Variants in CHAT observed in about 807,000 individuals in gnomAD.
CHAT encodes acetyl CoA:choline O-acetyltransferase.
In CHAT, 61 loss-of-function variants were observed where a neutral mutation model predicts 76.9. That is an observed-to-expected ratio of 0.79 (90% confidence interval 0.65 to 0.98). CHAT has a LOEUF of 0.98. CHAT is among the 50% of genes least tolerant of loss of function. CHAT has a pLI of 0.00. For missense variants in CHAT, 946 were observed against 986.9 expected, an observed-to-expected ratio of 0.96 and a Z score of 0.56; for synonymous variants, 407 against 397.4, an observed-to-expected ratio of 1.02 and a Z score of -0.29.
intron 3 of CHAT, 144 bp from the exon 4 acceptor site, chr10:49,620,351 G>T (rs1400001410): frequency 1.4e-6 from 1 of 737,926 alleles, no homozygotes; most frequent in East Asian, 2.6e-5. Context: ...GGACTGGGAA[G>T]CTCCTGGCAC....
At chr10:49,616,438 G>A in intron 1 of CHAT, 64 bp from the exon 2 acceptor site, 3 of 1,281,328 alleles carry the variant, frequency 2.3e-6, no homozygotes, top group South Asian at 2.5e-5. Flanking sequence ...TTGGCGGGAG[G>A]TGGAGGGTTT....
chr10:49,664,067 T>C (rs961646807), intron 14 of CHAT, among the ~76,000 whole-genome samples: 2 of 152,222 alleles, frequency 1.3e-5, no homozygotes, highest in East Asian at 1.9e-4. Context: ...CTATTTTTTT[T>C]CCCAAGGACC....
chr10:49,616,797 G>A (rs559233016), intron 2 of CHAT, among the ~76,000 whole-genome samples, 195 bp downstream of exon 2: 3 of 152,308 alleles, frequency 2.0e-5, no homozygotes, highest in South Asian at 2.1e-4. Context: ...GGGCTGAGAC[G>A]GGCCTCAGGG....
intron 14 of CHAT, among the ~76,000 whole-genome samples, chr10:49,663,535 C>T (rs932509782): frequency 2.0e-5 from 3 of 152,190 alleles, no homozygotes; most frequent in African/African-American, 4.8e-5. Flanking sequence ...CAACCAACAG[C>T]AGAACATTCG....
intron 11 of CHAT, among the ~76,000 whole-genome samples, chr10:49,653,128 A>G (rs970629245): frequency 4.6e-5 from 7 of 151,042 alleles, no homozygotes; most frequent in Non-Finnish European, 7.4e-5. Flanking sequence ...CCCACACCAT[A>G]CCTGGCACAG....
At chr10:49,659,985 T>C (rs981365183) in intron 13 of CHAT, among the ~76,000 whole-genome samples, 2 of 152,228 alleles carry the variant, frequency 1.3e-5, no homozygotes, top group African/African-American at 4.8e-5. Context: ...CTAATCATAG[T>C]ACACTACATG....
rs774597385 is a variant in CHAT at position 49,616,098 on chromosome 10, G to T, written c.287-404G>T. ...TGAAGCACTGAGCACAGTAGGTATGGTCTTACCCTTGAGAAGCTAGTGGGA... is the reference window on the plus strand; with the variant it reads ...TGAAGCACTGAGCACAGTAGGTATGTTCTTACCCTTGAGAAGCTAGTGGGA... On this transcript the variant is annotated intron_variant, in intron 1 of 14. Coordinates refer to ENST00000337653, the MANE Select transcript of CHAT (RefSeq NM_020549.5). 16 of 1,612,496 alleles carry T rather than the reference G, an allele frequency of 9.9e-6. No homozygotes were observed. The South Asian group carries it at 1.8e-4, about 18-fold the overall frequency.
rs973528983 is a variant in CHAT at position 49,625,462 on chromosome 10, C to T, written c.753-11C>T. On this transcript the variant is annotated splice_polypyrimidine_tract_variant and intron_variant, in intron 5 of 14. Transcript: ENST00000337653. ...CTCGTGGCTGCCTCCCTTCCCACTC[C>T]TCTCCTTCAGCCACTCCATTCCCAC... The T allele has an allele frequency of 2.5e-6, 4 of 1,611,908 alleles. No individual in the cohort carries two copies. Among genetic ancestry groups the T allele is most frequent in the Non-Finnish European group, 3.4e-6 (4 of 1,179,896 alleles).
chr10:49,632,858 A>C (rs1325702892), intron 7 of CHAT, among the ~76,000 whole-genome samples: 2 of 152,160 alleles, frequency 1.3e-5, no homozygotes, highest in Non-Finnish European at 2.9e-5. Context: ...CCAGGGTGGC[A>C]CAGCCCACGC....
chr10:49,646,749 C>T (rs896317940), intron 8 of CHAT, 75 bp downstream of exon 8: 1 of 1,523,806 alleles, frequency 6.6e-7, no homozygotes. Context: ...GCGGGCACAG[C>T]CTGGTGCCCA....
At chr10:49,618,029 C>T (rs1008801933) in intron 2 of CHAT, among the ~76,000 whole-genome samples, 1 of 152,170 alleles carries the variant, frequency 6.6e-6, no homozygotes, top group African/African-American at 2.4e-5. Context: ...GGGAGGAACC[C>T]TTTACTGTCT....
intron 9 of CHAT, 124 bp from the exon 10 acceptor site, chr10:49,649,384 C>T (rs1174569249): frequency 1.0e-5 from 14 of 1,385,976 alleles, no homozygotes; most frequent in South Asian, 1.2e-5. Flanking sequence ...AGGGGCAGCT[C>T]GTACCCCCTG....
At chr10:49,635,398 C>T (rs1355649911) in intron 7 of CHAT, among the ~76,000 whole-genome samples, 1 of 152,112 alleles carries the variant, frequency 6.6e-6, no homozygotes, top group Non-Finnish European at 1.5e-5. Context: ...CATTTGTGTA[C>T]AGGTTTTTGT....
In CHAT at chr10:49,649,628, A is replaced by C. The variant is rs756381050; in HGVS notation, c.1503A>C (p.Lys501Asn). The change falls in exon 10 of 15, where the codon AAA becomes AAC. Residue 501 changes from lysine (K) to asparagine (N), a missense_variant. Transcript: ENST00000337653. ...IQGHLASSAE[K>N]LQRIVKNLDF... ...GCCACTTAGCCTCCTCGGCAGAAAAACTTCAACGGTAAGGATAACCGAAGT... is the reference window on the plus strand; with the variant it reads ...GCCACTTAGCCTCCTCGGCAGAAAACCTTCAACGGTAAGGATAACCGAAGT... The C allele has an allele frequency of 6.2e-7, 1 of 1,613,634 alleles. No homozygotes were observed. Among genetic ancestry groups the C allele is most frequent in the Non-Finnish European group, 8.5e-7 (1 of 1,180,016 alleles).
At chr10:49,649,293 A>G (rs1839786166) in intron 9 of CHAT, among the ~76,000 whole-genome samples, 1 of 152,196 alleles carries the variant, frequency 6.6e-6, no homozygotes, top group Non-Finnish European at 1.5e-5. Flanking sequence ...GTCAGGCGGA[A>G]CTGGATGGAG....
chr10:49,636,820 T>C (rs917525883), intron 7 of CHAT, among the ~76,000 whole-genome samples: 5 of 152,228 alleles, frequency 3.3e-5, no homozygotes, highest in African/African-American at 1.2e-4. Context: ...ACCTCCAGCA[T>C]AAACGGGTTA....
rs371719364 is a variant in CHAT at position 49,649,545 on chromosome 10, G to A, written c.1420G>A (p.Val474Ile). 27 of 1,613,746 alleles carry A rather than the reference G, an allele frequency of 1.7e-5. No homozygotes were observed. The East Asian group carries it at 2.0e-4, about 12-fold the overall frequency. Residue 474 changes from valine (V) to isoleucine (I), a missense_variant, in exon 10 of 15, where the codon GTC becomes ATC. By Grantham distance (29) the Val-to-Ile change is conservative. This residue lies in a region of CHAT where 349 missense variants were observed against 393.9 expected (regional missense o/e 0.89). Transcript: ENST00000337653. ...SSRKLIRADS[V>I]SELPAPRRLR... ...CAGGAAGCTGATCCGAGCAGACTCCGTCAGCGAGCTCCCCGCCCCCCGGAG... is the reference window on the plus strand; with the variant it reads ...CAGGAAGCTGATCCGAGCAGACTCCATCAGCGAGCTCCCCGCCCCCCGGAG...
intron 10 of CHAT, 98 bp from the exon 11 acceptor site, chr10:49,651,786 G>A: frequency 1.0e-5 from 13 of 1,288,888 alleles, no homozygotes; most frequent in South Asian, 2.6e-5. Context: ...CTTCCAGAAC[G>A]CTAGGACACA....
chr10:49,638,718 C>T (rs1839375705), intron 7 of CHAT, among the ~76,000 whole-genome samples: 1 of 152,138 alleles, frequency 6.6e-6, no homozygotes, highest in Non-Finnish European at 1.5e-5. Flanking sequence ...CTTTTATTCT[C>T]CTTTGTTTAT....
Sources: allele counts gnomAD v4.1 joint callset (sites outside exome capture counted in the v4.1 genomes callset), GRCh38; gene constraint gnomAD v4.1.1; regional missense constraint gnomAD v4.1.1; transcripts MANE v1.5; gene names NCBI Gene and HGNC (gene_info 2026-07-23, HGNC 2026-07-21).